NT5DC1: variants seen among roughly 807,000 people sequenced by gnomAD.
NT5DC1 encodes 5'-nucleotidase domain containing 1, also known as 5'-nucleotidase domain-containing protein 1.
NT5DC1 carries 42 observed loss-of-function variants against 59.4 expected under a neutral mutation model. The ratio of observed to expected loss-of-function variants is 0.71; its 90% CI spans 0.55 to 0.92. NT5DC1 has a LOEUF of 0.92. Ranked by LOEUF, NT5DC1 falls within the 40% of genes least tolerant of loss-of-function variation. The pLI is 0.00. For missense variants in NT5DC1, 501 were observed against 537.1 expected (o/e 0.93, Z 0.66); for synonymous variants, 172 against 188.1 (o/e 0.91, Z 0.70).
intron 6 of NT5DC1, among the ~76,000 whole-genome samples, chr6:116,135,431 T>C (rs114418401): frequency 0.029 from 4,413 of 151,970 alleles, 229 homozygotes; most frequent in African/African-American, 0.099. Flanking sequence ...CCTTTTTATT[T>C]AACAACTCCA....
At chr6:116,138,147 A>G (rs1388705124) in intron 6 of NT5DC1, among the ~76,000 whole-genome samples, 3 of 152,196 alleles carry the variant, frequency 2.0e-5, no homozygotes, top group Non-Finnish European at 4.4e-5. Context: ...GCTAGATCTA[A>G]TTCTAACAAC....
In NT5DC1 at chr6:116,213,609, A is replaced by G. The variant is rs1331837596; in HGVS notation, c.530-7445A>G. On this transcript the variant is annotated intron_variant, in intron 6 of 11. Transcript: ENST00000319550. ...TTGTTGTGTCCATCTTGGAAACTCA[A>G]TCCACTTCACATCTTCTATAATGTT... Among the ~76,000 whole-genome samples the G allele has an allele frequency of 5.9e-5, 9 of 152,088 alleles. No individual in the cohort carries two copies. In the East Asian group the frequency reaches 9.7e-4, roughly 16 times the overall value.
intron 6 of NT5DC1, among the ~76,000 whole-genome samples, chr6:116,167,586 A>C (rs1347488661): frequency 6.6e-6 from 1 of 152,160 alleles, no homozygotes; most frequent in East Asian, 1.9e-4. Context: ...ATTTGATAAA[A>C]TTGCAATATT....
chr6:116,114,590 A>G (rs561763804), intron 4 of NT5DC1, among the ~76,000 whole-genome samples: 4 of 151,214 alleles, frequency 2.6e-5, no homozygotes, highest in Non-Finnish European at 1.5e-5. Flanking sequence ...GCACCTTATT[A>G]TTAATGTAAA....
intron 6 of NT5DC1, among the ~76,000 whole-genome samples, chr6:116,181,850 A>G (rs541142075): frequency 6.6e-6 from 1 of 152,200 alleles, no homozygotes; most frequent in Non-Finnish European, 1.5e-5. Flanking sequence ...ATTCAGTGCA[A>G]TTCCAACCAA....
chr6:116,118,570 C>T (rs1357401663), intron 6 of NT5DC1, among the ~76,000 whole-genome samples: 2 of 118,982 alleles, frequency 1.7e-5, no homozygotes, highest in Non-Finnish European at 3.4e-5. Context: ...AAAATGTTGC[C>T]TTGTGATTGA....
Position 116,140,525 on chromosome 6 carries a change from A to G in NT5DC1, c.529+22580A>G, listed in dbSNP as rs1255530619. On this transcript the variant is annotated intron_variant, in intron 6 of 11. Transcript: ENST00000319550. Reference sequence around the variant, plus strand: ...TAATTCAATGAACACATGTATGTGTATCTGCTACCCAGCAAAAGAAACTTA... The same window carrying G: ...TAATTCAATGAACACATGTATGTGTGTCTGCTACCCAGCAAAAGAAACTTA... 2.6e-5 allele frequency among the ~76,000 whole-genome samples: 4 copies of G among 152,132 alleles called. No individual in the cohort carries two copies. In the East Asian group the frequency reaches 5.8e-4, roughly 22 times the overall value.
At chr6:116,240,710 G>T (rs1311641210) in intron 11 of NT5DC1, among the ~76,000 whole-genome samples, 1 of 152,152 alleles carries the variant, frequency 6.6e-6, no homozygotes, top group African/African-American at 2.4e-5. Flanking sequence ...CATAAATATA[G>T]ATTAAATAAC....
At chr6:116,233,139 A>T (rs763394101) in intron 8 of NT5DC1, among the ~76,000 whole-genome samples, 5 of 152,214 alleles carry the variant, frequency 3.3e-5, no homozygotes, top group Non-Finnish European at 7.3e-5. Context: ...TCCTAATAAT[A>T]TATTTTTATA....
At chr6:116,113,211 T>G (rs1195876671) in intron 4 of NT5DC1, among the ~76,000 whole-genome samples, 1 of 152,236 alleles carries the variant, frequency 6.6e-6, no homozygotes, top group Non-Finnish European at 1.5e-5. Context: ...TCTCTGGTAC[T>G]AAGTCACTCT....
At chr6:116,221,828 T>A (rs958042184) in intron 7 of NT5DC1, among the ~76,000 whole-genome samples, 11 of 152,144 alleles carry the variant, frequency 7.2e-5, no homozygotes, top group African/African-American at 2.7e-4. Flanking sequence ...TCCTTGTGGG[T>A]ATGAGGGGAT....
chr6:116,226,367 A>G (rs1213147895), intron 8 of NT5DC1, among the ~76,000 whole-genome samples: 1 of 152,104 alleles, frequency 6.6e-6, no homozygotes, highest in Non-Finnish European at 1.5e-5. Flanking sequence ...AAAATTTCAC[A>G]CAAAGATACA....
chr6:116,238,464 TAAAAAAA>T (rs56266433), intron 10 of NT5DC1, 116 bp downstream of exon 10: 8 of 257,748 alleles, frequency 3.1e-5, no homozygotes, highest in East Asian at 1.3e-4. Flanking sequence ...ACCATCATGT[TAAAAAAA>T]AAAAAAAAAA....
intron 6 of NT5DC1, among the ~76,000 whole-genome samples, chr6:116,156,360 ATTAG>A (rs923460773): frequency 4.6e-5 from 7 of 152,248 alleles, no homozygotes; most frequent in East Asian, 1.9e-4. Flanking sequence ...TGTTTCGTTT[ATTAG>A]TTAGTTTGCT....
chr6:116,188,903 T>C lies in NT5DC1; in HGVS notation c.530-32151T>C, dbSNP rs535104243. ...TTTTTAATTTGGATCTGTTTATTTA[T>C]AATTAAGCTTCACTACCATTTTGCA... On this transcript the variant is annotated intron_variant, in intron 6 of 11. Transcript: ENST00000319550. Among the ~76,000 whole-genome samples the C allele has an allele frequency of 5.3e-5, 8 of 152,112 alleles. No individual in the cohort carries two copies. In the South Asian group the frequency reaches 1.4e-3, roughly 28 times the overall value.
At chr6:116,155,938 A>G (rs1780182034) in intron 6 of NT5DC1, among the ~76,000 whole-genome samples, 2 of 152,254 alleles carry the variant, frequency 1.3e-5, no homozygotes, top group Middle Eastern at 3.4e-3. Context: ...AGACAAATGT[A>G]TTCAGTTACC....
chr6:116,225,614 C>T (rs1400247451), intron 8 of NT5DC1, among the ~76,000 whole-genome samples: 3 of 152,110 alleles, frequency 2.0e-5, no homozygotes, highest in African/African-American at 7.2e-5. Flanking sequence ...TCACTAGTGC[C>T]TCAGTGAACA....
chr6:116,178,056 T>A (rs1042829506), intron 6 of NT5DC1, among the ~76,000 whole-genome samples: 1 of 68,008 alleles, frequency 1.5e-5, no homozygotes, highest in East Asian at 2.6e-4. Flanking sequence ...GAGGAAAGTG[T>A]GTGTGTGTGT....
chr6:116,147,537 TAA>T (rs1418116697), intron 6 of NT5DC1, among the ~76,000 whole-genome samples: 6 of 152,124 alleles, frequency 3.9e-5, no homozygotes, highest in Non-Finnish European at 7.4e-5. Context: ...TAAGAAGTTA[TAA>T]AAAGTTCATT....
Sources: allele counts gnomAD v4.1 joint callset (sites outside exome capture counted in the v4.1 genomes callset), GRCh38; gene constraint gnomAD v4.1.1; transcripts MANE v1.5; gene names NCBI Gene and HGNC (gene_info 2026-07-23, HGNC 2026-07-21).